The following FGD4 variants were observed in gnomAD, a reference collection of about 807,000 sequenced individuals.
The protein encoded by FGD4 is FYVE, RhoGEF and PH domain containing 4, also known as FYVE, RhoGEF and PH domain-containing protein 4.
In FGD4, 42 loss-of-function variants were observed where a neutral mutation model predicts 102.0. That is an observed-to-expected ratio of 0.41 (90% CI 0.32 to 0.53). FGD4 has a LOEUF of 0.53. Among genes scored for constraint, FGD4 ranks in the 20% least tolerant of loss-of-function variants. The pLI is 0.21. For synonymous variants in FGD4, 380 were observed against 375.7 expected (o/e 1.01, Z -0.13); for missense variants, 902 against 1,078.2 (o/e 0.84, Z 2.29).
intron 1 of FGD4, among the ~76,000 whole-genome samples, chr12:32,505,742 C>G (rs1046908089): frequency 6.6e-6 from 1 of 152,128 alleles, no homozygotes; most frequent in African/African-American, 2.4e-5. Context: ...GCTAATTGTT[C>G]TTTTGTAACA....
At chr12:32,563,708 A>G (rs890628310) in intron 1 of FGD4, among the ~76,000 whole-genome samples, 1 of 152,150 alleles carries the variant, frequency 6.6e-6, no homozygotes, top group African/African-American at 2.4e-5. Context: ...CAGCCTGGGC[A>G]CCATTGAGCA....
intron 1 of FGD4, among the ~76,000 whole-genome samples, chr12:32,528,238 G>C (rs910922449): frequency 1.3e-5 from 2 of 152,134 alleles, no homozygotes; most frequent in Admixed American, 1.3e-4. Context: ...CACTGGGCTA[G>C]TAAAGTTTCT....
chr12:32,612,742 A>G (rs1396426054), intron 10 of FGD4, among the ~76,000 whole-genome samples: 1 of 152,172 alleles, frequency 6.6e-6, no homozygotes, highest in African/African-American at 2.4e-5. Context: ...CTAAAAATAT[A>G]TATAAGCCTG....
At chr12:32,452,500 A>G (rs1168111409) in intron 1 of FGD4, among the ~76,000 whole-genome samples, 2 of 152,266 alleles carry the variant, frequency 1.3e-5, no homozygotes, top group African/African-American at 4.8e-5. Flanking sequence ...GAGTGTAGGT[A>G]TATCAATTTG....
intron 1 of FGD4, among the ~76,000 whole-genome samples, chr12:32,518,329 T>C (rs1230074123): frequency 2.0e-5 from 3 of 152,048 alleles, no homozygotes; most frequent in Non-Finnish European, 4.4e-5. Flanking sequence ...AAATACAAAA[T>C]TAGCCGATAC....
intron 14 of FGD4, among the ~76,000 whole-genome samples, 170 bp downstream of exon 14, chr12:32,625,949 C>G (rs80232462): frequency 6.6e-6 from 1 of 152,270 alleles, no homozygotes; most frequent in African/African-American, 2.4e-5. Flanking sequence ...AAACGTTAGA[C>G]AAAATGTTCC....
chr12:32,439,913 A>G (rs993873349), intron 1 of FGD4, among the ~76,000 whole-genome samples: 4 of 152,022 alleles, frequency 2.6e-5, no homozygotes, highest in African/African-American at 9.7e-5. Context: ...AGGCTCACTA[A>G]TTCTTCTGCT....
At chr12:32,624,382 TA>T in intron 11 of FGD4, 39 bp from the exon 12 acceptor site, 1 of 1,457,414 alleles carries the variant, frequency 6.9e-7, no homozygotes, top group Non-Finnish European at 9.6e-7. Flanking sequence ...TGTGAATCAT[TA>T]ATATTATTTA....
At chr12:32,440,972 C>T (rs1391760142) in intron 1 of FGD4, among the ~76,000 whole-genome samples, 2 of 152,214 alleles carry the variant, frequency 1.3e-5, no homozygotes, top group African/African-American at 4.8e-5. Flanking sequence ...TACTGATGTT[C>T]CTTTAAGGCC....
chr12:32,401,761 G>T (rs7312698), intron 1 of FGD4, among the ~76,000 whole-genome samples: 74,859 of 136,970 alleles, frequency 0.55, 21,055 homozygotes, highest in African/African-American at 0.72. Flanking sequence ...GCAGTTTTGC[G>T]CTTGTCCCGC....
intron 3 of FGD4, among the ~76,000 whole-genome samples, chr12:32,577,172 G>A (rs1946195388): frequency 1.4e-5 from 2 of 147,906 alleles, no homozygotes; most frequent in South Asian, 4.2e-4. Context: ...ACTCTCAATT[G>A]TTTATTTTTT....
Position 32,567,308 on chromosome 12 carries a change from C to T in FGD4, c.319+3019C>T, listed in dbSNP as rs114230053. On this transcript the variant is annotated intron_variant, in intron 2 of 16. Transcript: ENST00000534526. ...CCTTTACTGCCAACACCACCAGCCC[C>T]GGATAGTTGCTACCCACAACACTAT... Among the ~76,000 whole-genome samples, 666 of 152,260 alleles carry T rather than the reference C, an allele frequency of 4.4e-3. 7 individuals carry two copies. Among genetic ancestry groups the T allele is most frequent in the African/African-American group, 0.015 (612 of 41,552 alleles).
intron 4 of FGD4, among the ~76,000 whole-genome samples, chr12:32,592,159 T>G (rs969960897): frequency 2.6e-5 from 4 of 151,654 alleles, no homozygotes; most frequent in African/African-American, 9.7e-5. Context: ...CTCGGCTCAC[T>G]GTAGCCTCCG....
At chr12:32,458,319 C>T (rs971566941) in intron 1 of FGD4, among the ~76,000 whole-genome samples, 5 of 151,854 alleles carry the variant, frequency 3.3e-5, no homozygotes, top group Non-Finnish European at 7.4e-5. Flanking sequence ...TACAAGTGTA[C>T]GCCACCATGC....
At chr12:32,562,648 C>T (rs1411529997) in intron 1 of FGD4, among the ~76,000 whole-genome samples, 3 of 152,182 alleles carry the variant, frequency 2.0e-5, no homozygotes, top group Non-Finnish European at 2.9e-5. Flanking sequence ...CTCTGTTTAA[C>T]AAAGCACATC....
intron 1 of FGD4, among the ~76,000 whole-genome samples, chr12:32,410,189 C>G (rs4931624): frequency 0.55 from 83,403 of 151,688 alleles, 24,093 homozygotes; most frequent in African/African-American, 0.74. Flanking sequence ...TTAGCCGGGT[C>G]TGGTGGCGGG....
chr12:32,577,138 A>G (rs1021458508), intron 3 of FGD4, among the ~76,000 whole-genome samples: 2 of 152,178 alleles, frequency 1.3e-5, no homozygotes, highest in South Asian at 2.1e-4. Context: ...CAGAACCCAC[A>G]TAAGTTGCTT....
intron 1 of FGD4, among the ~76,000 whole-genome samples, chr12:32,517,719 C>A (rs1416402928): frequency 6.6e-6 from 1 of 151,970 alleles, no homozygotes; most frequent in Admixed American, 6.6e-5. Flanking sequence ...AAGGTGAAAC[C>A]CTGTCTCTAC....
intron 15 of FGD4, among the ~76,000 whole-genome samples, chr12:32,636,907 G>A (rs949519731): frequency 7.4e-6 from 1 of 135,426 alleles, no homozygotes; most frequent in African/African-American, 2.8e-5. Context: ...GTCTTGCTCT[G>A]TCACCCAGGC....
Sources: allele counts gnomAD v4.1 joint callset (sites outside exome capture counted in the v4.1 genomes callset), GRCh38; gene constraint gnomAD v4.1.1; transcripts MANE v1.5; gene names NCBI Gene and HGNC (gene_info 2026-07-23, HGNC 2026-07-21).